Variants in FARS2 observed in about 807,000 individuals in gnomAD.
FARS2 encodes phenylalanyl-tRNA synthetase 2, mitochondrial, also known as phenylalanine--tRNA ligase, mitochondrial.
In FARS2, 40 loss-of-function variants were observed where a neutral mutation model predicts 46.4. That is an observed-to-expected ratio of 0.86 (90% CI 0.67 to 1.12). FARS2 has a LOEUF of 1.12. Ranked by LOEUF, FARS2 falls within the 50% of genes most tolerant of loss-of-function variation. FARS2 has a pLI of 0.00. For missense variants in FARS2, 513 were observed against 567.9 expected, an observed-to-expected ratio of 0.90 and a Z score of 0.98; for synonymous variants, 234 against 214.9, an observed-to-expected ratio of 1.09 and a Z score of -0.78.
At chr6:5,572,128 G>A (rs189410436) in intron 5 of FARS2, among the ~76,000 whole-genome samples, 39 of 152,264 alleles carry the variant, frequency 2.6e-4, no homozygotes, top group Non-Finnish European at 5.0e-4. Context: ...CTGAGACTGG[G>A]TAATTTTATA....
At chr6:5,761,842 A>G (rs1762492605) in intron 6 of FARS2, among the ~76,000 whole-genome samples, 1 of 151,718 alleles carries the variant, frequency 6.6e-6, no homozygotes, top group Non-Finnish European at 1.5e-5. Context: ...GCATTTGTAT[A>G]CAATGCAAGG....
intron 2 of FARS2, among the ~76,000 whole-genome samples, chr6:5,388,514 T>G (rs542122247): frequency 4.6e-5 from 7 of 152,264 alleles, no homozygotes; most frequent in Admixed American, 1.3e-4. Context: ...TGGCACTGAT[T>G]TTATATTTGC....
At chr6:5,612,260 A>AC (rs759409932) in intron 5 of FARS2, among the ~76,000 whole-genome samples, 11 of 152,360 alleles carry the variant, frequency 7.2e-5, no homozygotes, top group Admixed American at 2.0e-4. Flanking sequence ...TCAATGATTC[A>AC]CCAAAGGGTT....
At chr6:5,269,240 A>G (rs1285833897) in intron 1 of FARS2, among the ~76,000 whole-genome samples, 4 of 152,126 alleles carry the variant, frequency 2.6e-5, no homozygotes, top group Non-Finnish European at 5.9e-5. Flanking sequence ...TCGCAAGGAC[A>G]GAAAACCAAA....
intron 1 of FARS2, among the ~76,000 whole-genome samples, chr6:5,336,368 A>T (rs552903555): frequency 2.0e-5 from 3 of 152,142 alleles, no homozygotes; most frequent in Non-Finnish European, 4.4e-5. Flanking sequence ...TTTTATACCC[A>T]TATAAACTAG....
chr6:5,585,854 A>G (rs1773587088), intron 5 of FARS2, among the ~76,000 whole-genome samples: 1 of 152,162 alleles, frequency 6.6e-6, no homozygotes, highest in South Asian at 2.1e-4. Flanking sequence ...TAGTATAACT[A>G]ATGCTGCAAT....
intron 1 of FARS2, among the ~76,000 whole-genome samples, chr6:5,274,243 A>T (rs1216737464): frequency 6.6e-6 from 1 of 152,210 alleles, no homozygotes; most frequent in African/African-American, 2.4e-5. Context: ...CTTCCCGGCC[A>T]TTAGAACCCT....
chr6:5,620,854 C>T (rs564118036), intron 6 of FARS2, among the ~76,000 whole-genome samples: 13 of 152,354 alleles, frequency 8.5e-5, no homozygotes, highest in Middle Eastern at 3.4e-3. Flanking sequence ...TAGTTAGCCA[C>T]GTGGGTCAGG....
intron 6 of FARS2, among the ~76,000 whole-genome samples, chr6:5,616,230 G>C (rs1225584480): frequency 1.3e-5 from 2 of 152,088 alleles, no homozygotes; most frequent in East Asian, 3.9e-4. Flanking sequence ...GAATGTATGG[G>C]GTAGTCTGGA....
chr6:5,514,228 A>T (rs1360357125), intron 4 of FARS2, among the ~76,000 whole-genome samples: 1 of 152,150 alleles, frequency 6.6e-6, no homozygotes, highest in Non-Finnish European at 1.5e-5. Context: ...TCTGCCAGCC[A>T]CCTAGTTAAA....
intron 4 of FARS2, among the ~76,000 whole-genome samples, chr6:5,460,331 C>T (rs1765173893): frequency 2.0e-5 from 3 of 152,194 alleles, no homozygotes; most frequent in Admixed American, 2.0e-4. Flanking sequence ...GTTCTTTTAT[C>T]GTATAGGTAT....
chr6:5,551,100 G>T (rs1424296213), intron 5 of FARS2, among the ~76,000 whole-genome samples: 1 of 152,128 alleles, frequency 6.6e-6, no homozygotes, highest in Non-Finnish European at 1.5e-5. Context: ...TAATTTGTCT[G>T]TTTTCTCCTG....
At chr6:5,566,548 C>T (rs1772334014) in intron 5 of FARS2, among the ~76,000 whole-genome samples, 1 of 152,100 alleles carries the variant, frequency 6.6e-6, no homozygotes, top group Non-Finnish European at 1.5e-5. Context: ...CCCATACTAC[C>T]AGAAGTTATT....
chr6:5,647,768 G>T lies in FARS2; in HGVS notation c.1217+34448G>T, dbSNP rs186815440. Among the ~76,000 whole-genome samples, 4 of 152,318 alleles carry T rather than the reference G, an allele frequency of 2.6e-5. No homozygotes were observed. The East Asian group carries it at 7.7e-4, about 29-fold the overall frequency. On this transcript the variant is annotated intron_variant, in intron 6 of 6. Transcript: ENST00000274680. ...TAAATGCAAACACATGCTTTAACTT[G>T]CACAGAATCATCAGTGCATGATACC...
At chr6:5,686,973 T>C (rs1031758859) in intron 6 of FARS2, among the ~76,000 whole-genome samples, 10 of 152,378 alleles carry the variant, frequency 6.6e-5, no homozygotes, top group African/African-American at 2.2e-4. Context: ...CATTTTTTCA[T>C]GTGTCTGTTG....
intron 4 of FARS2, among the ~76,000 whole-genome samples, chr6:5,501,967 C>A (rs1294361441): frequency 6.6e-6 from 1 of 152,154 alleles, no homozygotes; most frequent in African/African-American, 2.4e-5. Flanking sequence ...CCAGCAATGA[C>A]GTTCTTCTCT....
At chr6:5,622,242 AT>A (rs534921045) in intron 6 of FARS2, among the ~76,000 whole-genome samples, 74 of 152,220 alleles carry the variant, frequency 4.9e-4, no homozygotes, top group African/African-American at 1.6e-3. Flanking sequence ...GGCTCATCAG[AT>A]TTTTTACACC....
chr6:5,546,032 G>A (rs954720088), intron 5 of FARS2, among the ~76,000 whole-genome samples: 1 of 151,978 alleles, frequency 6.6e-6, no homozygotes, highest in African/African-American at 2.4e-5. Context: ...GGAGACTGAG[G>A]CAGGAGAATC....
At chr6:5,564,159 T>G (rs115357400) in intron 5 of FARS2, among the ~76,000 whole-genome samples, 72 of 152,324 alleles carry the variant, frequency 4.7e-4, no homozygotes, top group African/African-American at 1.7e-3. Context: ...GGTGCTACCC[T>G]GTATAACCCT....
Sources: gnomAD v4.1 joint callset for allele counts (sites outside exome capture counted in the v4.1 genomes callset) on GRCh38, gnomAD v4.1.1 for gene constraint, MANE v1.5 for transcripts, NCBI Gene and HGNC (gene_info 2026-07-23, HGNC 2026-07-21) for gene names.